EDA: variants seen among roughly 807,000 people sequenced by gnomAD.
The protein encoded by EDA is ectodysplasin-A.
Under a neutral mutation model 23.6 loss-of-function variants are expected in EDA, and 2 were observed. The observed-to-expected ratio is 0.08, with a 90% CI of 0.03 to 0.27. The LOEUF (loss-of-function observed/expected upper bound fraction) is 0.27, where lower values mean the gene tolerates loss of function less well. Ranked by LOEUF, EDA falls within the 10% of genes least tolerant of loss-of-function variation. The probability of loss-of-function intolerance (pLI) is 1.00; values close to 1 mark genes in which losing one functional copy is unlikely to be tolerated. For missense variants in EDA, 229 were observed against 324.2 expected, an observed-to-expected ratio of 0.71 and a Z score of 2.26; for synonymous variants, 131 against 132.0, an observed-to-expected ratio of 0.99 and a Z score of 0.05.
At chrX:69,915,606 A>T (rs1311600281) in intron 1 of EDA, among the ~76,000 whole-genome samples, 1 of 103,698 alleles carries the variant, frequency 9.6e-6, no homozygotes, top group Non-Finnish European at 2.0e-5. Context: ...AAAAAAAAGC[A>T]TCATGACAGG....
At chrX:69,883,118 C>T (rs974516065) in intron 1 of EDA, among the ~76,000 whole-genome samples, 1 of 112,378 alleles carries the variant, frequency 8.9e-6, no homozygotes, top group African/African-American at 3.2e-5. Context: ...TGTTCCCCCT[C>T]CTAGTGAGCA....
chrX:69,910,974 A>T (rs1000532347), intron 1 of EDA, among the ~76,000 whole-genome samples: 1 of 112,061 alleles, frequency 8.9e-6, no homozygotes, highest in South Asian at 3.7e-4. Flanking sequence ...GTTGAATGTG[A>T]AAAAACATAT....
At chrX:70,027,041 C>T (rs771578433) in intron 3 of EDA, among the ~76,000 whole-genome samples, 2 of 111,487 alleles carry the variant, frequency 1.8e-5, no homozygotes, top group Admixed American at 9.5e-5. Flanking sequence ...CTCTTGTTAT[C>T]GACATCAAGT....
rs150977206 is a variant in EDA, at chrX:69,877,191, G to A, written c.397-79836G>A. 3.3e-3 allele frequency among the ~76,000 whole-genome samples: 371 copies of A among 111,754 alleles called. 1 individual carries two copies. The highest frequency in any genetic ancestry group is 5.8e-3 in the Non-Finnish European group (306 of 53,168). On this transcript the variant is annotated intron_variant, in intron 1 of 7. Transcript: ENST00000374552. ...CCAGGCATGATGGTACACACCTGTAGTCCCAGCTACTTAGAAGGCTGAGGC... is the reference window on the plus strand; with the variant it reads ...CCAGGCATGATGGTACACACCTGTAATCCCAGCTACTTAGAAGGCTGAGGC...
chrX:69,668,859 G>A (rs1422540116), intron 1 of EDA, among the ~76,000 whole-genome samples: 4 of 110,743 alleles, frequency 3.6e-5, no homozygotes, highest in East Asian at 5.7e-4. Context: ...GAGCCACCAC[G>A]CCCAGCCTGA....
At chrX:69,648,888 G>A (rs1437399068) in intron 1 of EDA, among the ~76,000 whole-genome samples, 1 of 111,822 alleles carries the variant, frequency 8.9e-6, no homozygotes, top group African/African-American at 3.3e-5. Flanking sequence ...TCCTGGTGGT[G>A]TGGGGTCACA....
chrX:69,963,688 C>A (rs1308057741), intron 2 of EDA, among the ~76,000 whole-genome samples: 1 of 111,734 alleles, frequency 8.9e-6, no homozygotes, highest in Non-Finnish European at 1.9e-5. Context: ...CAGGCCATCA[C>A]CACTAACACT....
intron 1 of EDA, among the ~76,000 whole-genome samples, chrX:69,868,458 C>T (rs934609157): frequency 1.1e-4 from 12 of 111,867 alleles, no homozygotes; most frequent in Non-Finnish European, 2.1e-4. Flanking sequence ...CACCACTGGA[C>T]CCCTAGAAAT....
intron 1 of EDA, among the ~76,000 whole-genome samples, chrX:69,858,330 G>T (rs1221598153): frequency 1.8e-5 from 2 of 111,982 alleles, no homozygotes; most frequent in Non-Finnish European, 3.8e-5. Flanking sequence ...GATGCTTCCA[G>T]CTTTTGCCCA....
chrX:69,722,313 C>A (rs1267820372), intron 1 of EDA, among the ~76,000 whole-genome samples: 2 of 109,774 alleles, frequency 1.8e-5, no homozygotes, highest in Non-Finnish European at 3.8e-5. Context: ...TCATGCCATT[C>A]TCCTGCCTCA....
At chrX:69,780,130 TTC>T (rs773701891) in intron 1 of EDA, among the ~76,000 whole-genome samples, 47 of 91,486 alleles carry the variant, frequency 5.1e-4, no homozygotes, top group Non-Finnish European at 9.7e-4. Flanking sequence ...TCTAAAAGAA[TTC>T]TGTGTCTAAC....
intron 2 of EDA, chrX:69,957,393 C>T (rs1010822315): frequency 6.7e-6 from 2 of 298,229 alleles, no homozygotes; most frequent in Admixed American, 5.1e-5. Flanking sequence ...GCAGGAGAAT[C>T]GCTTGAAACT....
intron 1 of EDA, among the ~76,000 whole-genome samples, chrX:69,835,557 C>T (rs1016362732): frequency 2.7e-5 from 3 of 111,907 alleles, no homozygotes; most frequent in African/African-American, 9.8e-5. Flanking sequence ...TGGTTTTCAG[C>T]TCCATCAGGT....
chrX:69,927,837 C>A (rs1158483989), intron 1 of EDA, among the ~76,000 whole-genome samples: 5 of 110,978 alleles, frequency 4.5e-5, no homozygotes, highest in Non-Finnish European at 9.4e-5. Flanking sequence ...TCTCCCCAAG[C>A]TGCAAACTTG....
intron 1 of EDA, among the ~76,000 whole-genome samples, chrX:69,822,560 T>C (rs190522803): frequency 9.7e-4 from 108 of 111,558 alleles, no homozygotes; most frequent in South Asian, 1.9e-3. Flanking sequence ...TTCAGATCAA[T>C]GTAAGAAGAA....
At chrX:69,748,442 G>C (rs1477822698) in intron 1 of EDA, among the ~76,000 whole-genome samples, 4 of 111,940 alleles carry the variant, frequency 3.6e-5, no homozygotes. Flanking sequence ...ACCAAGGACT[G>C]TGCTAAAAAA....
intron 1 of EDA, among the ~76,000 whole-genome samples, chrX:69,860,364 A>C (rs763126910): frequency 2.2e-4 from 25 of 111,628 alleles, no homozygotes; most frequent in African/African-American, 7.2e-4. Flanking sequence ...GTGATTGGTA[A>C]TGGTCTTTCC....
At position 70,033,433 on chromosome X, in the gene EDA, A is replaced by G. The variant is rs1228104625; in HGVS notation, c.829A>G (p.Ile277Val). The G allele has an allele frequency of 8.3e-7, 1 of 1,212,051 alleles. No individual in the cohort carries two copies. Among genetic ancestry groups the G allele is most frequent in the Non-Finnish European group, 1.1e-6 (1 of 895,513 alleles). ...TGGAGTGCTCAATGACTGGTCTCGC[A>G]TCACTATGAACCCCAAGGTGTTTAA... Reference protein sequence around the residue: ...SGGVLNDWSRITMNPKVFKLH... With the variant: ...SGGVLNDWSRVTMNPKVFKLH... Residue 277 changes from isoleucine (I) to valine (V), a missense_variant, in exon 7 of 8, where the codon ATC (isoleucine) becomes GTC (valine). Coordinates refer to ENST00000374552, the MANE Select transcript of EDA (RefSeq NM_001399.5).
At chrX:69,786,686 T>G (rs1158343978) in intron 1 of EDA, among the ~76,000 whole-genome samples, 3 of 107,948 alleles carry the variant, frequency 2.8e-5, no homozygotes, top group Admixed American at 9.8e-5. Flanking sequence ...TCTTTTACAT[T>G]TGCTGAGGAG....
Sources: gnomAD v4.1 joint callset for allele counts (sites outside exome capture counted in the v4.1 genomes callset) on GRCh38, gnomAD v4.1.1 for gene constraint, MANE v1.5 for transcripts, NCBI Gene and HGNC (gene_info 2026-07-23, HGNC 2026-07-21) for gene names.